Variants in TMEM131L observed in about 807,000 individuals in gnomAD.
TMEM131L encodes transmembrane protein 131-like.
TMEM131L carries 54 observed loss-of-function variants against 192.2 expected under a neutral mutation model. The observed-to-expected ratio is 0.28, with a 90% CI of 0.23 to 0.35. The LOEUF (loss-of-function observed/expected upper bound fraction) is 0.35. Ranked by LOEUF, TMEM131L falls within the 10% of genes least tolerant of loss-of-function variation. TMEM131L has a pLI of 1.00. For missense variants in TMEM131L, 1,888 were observed against 1,972.9 expected (o/e 0.96, Z 0.82); for synonymous variants, 701 against 704.9 (o/e 0.99, Z 0.09).
chr4:153,506,148 C>G (rs1051766808), intron 3 of TMEM131L, among the ~76,000 whole-genome samples: 3 of 152,160 alleles, frequency 2.0e-5, no homozygotes, highest in African/African-American at 4.8e-5. Context: ...TGACCTGAAT[C>G]TACATATTGG....
Position 153,467,287 on chromosome 4 carries a change from G to A in TMEM131L, c.195+6G>A. On this transcript the variant is annotated splice_donor_region_variant and intron_variant, in intron 2 of 34. Coordinates refer to ENST00000409959, the MANE Select transcript of TMEM131L (RefSeq NM_001131007.2). ...AACTCCTGCTGCCCACTCAGGTGAG[G>A]ACGACCAGGTGACAGGGCGGCTGTG... 4 of 1,551,454 alleles carry A rather than the reference G, an allele frequency of 2.6e-6. No individual in the cohort carries two copies. Among genetic ancestry groups the A allele is most frequent in the South Asian group, 2.4e-5 (2 of 84,060 alleles).
intron 7 of TMEM131L, among the ~76,000 whole-genome samples, chr4:153,577,717 T>A (rs1730050654): frequency 6.6e-6 from 1 of 152,096 alleles, no homozygotes; most frequent in Non-Finnish European, 1.5e-5. Context: ...CAGTATGACT[T>A]GGTTATGGAT....
Position 153,602,339 on chromosome 4 carries a change from G to A in TMEM131L, c.2453+1G>A. ...ACACATCCCGCGATATCAGCATTGT[G>A]TAAGCATTGGGCTTTAACTTGATTT... On this transcript the variant is annotated splice_donor_variant, in intron 22 of 34. Transcript: ENST00000409959. LOFTEE classifies it high-confidence loss of function. 6.2e-7 allele frequency: 1 copy of A among 1,610,632 alleles called. No homozygotes were observed. The highest frequency in any genetic ancestry group is 8.5e-7 in the Non-Finnish European group (1 of 1,179,288).
At position 153,603,852 on chromosome 4, in the gene TMEM131L, G is replaced by C. The variant is rs1436826296; in HGVS notation, c.2840G>C (p.Arg947Thr). 6.2e-7 allele frequency: 1 copy of C among 1,611,986 alleles called. No homozygotes were observed. Among genetic ancestry groups the C allele is most frequent in the Non-Finnish European group, 8.5e-7 (1 of 1,179,326 alleles). The change falls in exon 25 of 35, where the codon AGG becomes ACG. Residue 947 changes from arginine to threonine, a missense_variant. By Grantham distance (71) the Arg-to-Thr change is moderately conservative (BLOSUM62 -1). Transcript: ENST00000409959. ...ACATATGGCCCCTCTGATAAAGGCA[G>C]GGGGAAGAACTGCCTTCCAGTGAAC... The part of the protein sequence containing the change: ...LDTYGPSDKG[R>T]GKNCLPVNTP...
At chr4:153,622,758 C>T (rs980897106) in intron 28 of TMEM131L, 140 bp from the exon 29 acceptor site, 3 of 778,256 alleles carry the variant, frequency 3.9e-6, no homozygotes, top group Non-Finnish European at 6.6e-6. Flanking sequence ...TTTCCATGAA[C>T]TCCTCCTTTC....
intron 5 of TMEM131L, among the ~76,000 whole-genome samples, chr4:153,556,380 A>G (rs1728452208): frequency 1.3e-5 from 2 of 152,204 alleles, no homozygotes; most frequent in Non-Finnish European, 2.9e-5. Flanking sequence ...GCTGATTGGC[A>G]CCATAACACA....
At chr4:153,576,111 CACCAT>C (rs2150677398) in intron 7 of TMEM131L, among the ~76,000 whole-genome samples, 1 of 152,252 alleles carries the variant, frequency 6.6e-6, no homozygotes, top group East Asian at 1.9e-4. Flanking sequence ...AGGCGCCCGC[CACCAT>C]GCCCGGCTGA....
rs140560718 is a variant in TMEM131L at position 153,569,411 on chromosome 4, C to G, written c.660+11043C>G. 3.7e-3 allele frequency among the ~76,000 whole-genome samples: 566 copies of G among 152,300 alleles called. 5 individuals carry two copies. The highest frequency in any genetic ancestry group is 0.014 in the Middle Eastern group (4 of 294). ...TAGATAAATTCACTAATAATCTGCC[C>G]CAAGGCCACACTGTAACCAGGGTTG... On this transcript the variant is annotated intron_variant, in intron 7 of 34. Coordinates refer to ENST00000409959, the MANE Select transcript of TMEM131L (RefSeq NM_001131007.2).
intron 2 of TMEM131L, among the ~76,000 whole-genome samples, chr4:153,467,550 G>T (rs565733404): frequency 2.0e-5 from 3 of 152,280 alleles, no homozygotes; most frequent in African/African-American, 7.2e-5. Flanking sequence ...CCAGCGGTCT[G>T]TTCGGCCGTG....
chr4:153,540,661 A>C (rs753046391), intron 3 of TMEM131L, among the ~76,000 whole-genome samples: 2 of 152,266 alleles, frequency 1.3e-5, no homozygotes, highest in Non-Finnish European at 2.9e-5. Flanking sequence ...CTGCCTTTAC[A>C]GTATGAATAA....
At chr4:153,541,868 G>T (rs1049747012) in intron 3 of TMEM131L, among the ~76,000 whole-genome samples, 4 of 152,238 alleles carry the variant, frequency 2.6e-5, no homozygotes, top group African/African-American at 9.6e-5. Flanking sequence ...CTACAGTACT[G>T]CTGTGGTCCC....
intron 7 of TMEM131L, among the ~76,000 whole-genome samples, chr4:153,560,968 T>C (rs1580216769): frequency 6.6e-6 from 1 of 152,230 alleles, no homozygotes; most frequent in Non-Finnish European, 1.5e-5. Context: ...TAAAACTGTT[T>C]TCTAAAGTGG....
intron 2 of TMEM131L, 148 bp downstream of exon 2, chr4:153,467,429 A>G (rs926545175): frequency 4.3e-6 from 3 of 693,918 alleles, no homozygotes; most frequent in Non-Finnish European, 4.9e-6. Flanking sequence ...GAGCCTGAAC[A>G]CCTGGCAACG....
intron 33 of TMEM131L, 78 bp downstream of exon 33, chr4:153,634,358 G>T: frequency 3.4e-6 from 4 of 1,186,828 alleles, no homozygotes; most frequent in South Asian, 1.2e-5. Context: ...GGACTAAGAA[G>T]AATCCTTTTA....
At chr4:153,559,748 C>G (rs1728725013) in intron 7 of TMEM131L, among the ~76,000 whole-genome samples, 1 of 152,086 alleles carries the variant, frequency 6.6e-6, no homozygotes, top group Non-Finnish European at 1.5e-5. Context: ...CTTCCTACCT[C>G]TTTCCAAAAA....
chr4:153,631,276 C>A (rs2126887993), intron 31 of TMEM131L, among the ~76,000 whole-genome samples: 1 of 152,358 alleles, frequency 6.6e-6, no homozygotes, highest in Non-Finnish European at 1.5e-5. Context: ...CCAACAACTT[C>A]ACTTCAGGTG....
intron 25 of TMEM131L, among the ~76,000 whole-genome samples, chr4:153,610,901 A>G (rs1202679967): frequency 1.3e-5 from 2 of 152,200 alleles, no homozygotes; most frequent in Non-Finnish European, 2.9e-5. Context: ...AGACGTCTCA[A>G]ATTTCAAAGG....
At chr4:153,553,688 C>G in intron 4 of TMEM131L, among the ~76,000 whole-genome samples, 1 of 152,044 alleles carries the variant, frequency 6.6e-6, no homozygotes, top group East Asian at 1.9e-4. Flanking sequence ...TTTGATTTTC[C>G]TGGGGGGTTG....
chr4:153,583,398 CTGTT>C (rs1207049405), intron 10 of TMEM131L, 150 bp downstream of exon 10: 20 of 752,010 alleles, frequency 2.7e-5, no homozygotes, highest in Admixed American at 4.6e-5. Context: ...GCTTGAACCT[CTGTT>C]TGTATGAAGA....
Sources: allele counts gnomAD v4.1 joint callset (sites outside exome capture counted in the v4.1 genomes callset), GRCh38; gene constraint gnomAD v4.1.1; transcripts MANE v1.5; gene names NCBI Gene and HGNC (gene_info 2026-07-23, HGNC 2026-07-21).